Variants in SLC7A6OS observed in about 807,000 individuals in gnomAD.
SLC7A6OS encodes the protein probable RNA polymerase II nuclear localization protein SLC7A6OS.
A neutral mutation model predicts 34.3 loss-of-function variants in SLC7A6OS; 22 were observed. That is an observed-to-expected ratio of 0.64 (90% CI 0.46 to 0.92). The LOEUF (loss-of-function observed/expected upper bound fraction) is 0.92, where lower values mean the gene tolerates loss of function less well. Ranked by LOEUF, SLC7A6OS falls within the 40% of genes least tolerant of loss-of-function variation. The pLI, the probability that SLC7A6OS is intolerant of heterozygous loss-of-function variation, is 0.00. For synonymous variants in SLC7A6OS, 199 were observed against 165.0 expected (o/e 1.21, Z -1.58); for missense variants, 434 against 407.7 (o/e 1.06, Z -0.56).
chr16:68,303,462 C>T (rs964351105), intron 3 of SLC7A6OS, among the ~76,000 whole-genome samples: 1 of 150,250 alleles, frequency 6.7e-6, no homozygotes, highest in African/African-American at 2.4e-5. Flanking sequence ...GCCTGTACTC[C>T]TGGCTGGCTG....
At chr16:68,308,880 C>T (rs972092940) in intron 2 of SLC7A6OS, among the ~76,000 whole-genome samples, 3 of 151,728 alleles carry the variant, frequency 2.0e-5, no homozygotes, top group Non-Finnish European at 2.9e-5. Context: ...AGCGAAACCC[C>T]GTCTCTACTA....
intron 4 of SLC7A6OS, 100 bp from the exon 5 acceptor site, chr16:68,301,505 T>TTTTGTTCCCG (rs2043275359): frequency 1.1e-6 from 1 of 935,120 alleles, no homozygotes; most frequent in Non-Finnish European, 1.6e-6. Context: ...TTCCCGATTG[T>TTTTGTTCCCG]AATGCAAAAT....
At position 68,298,649 on chromosome 16, in the gene SLC7A6OS, C is replaced by T. The variant is rs2043216297; in HGVS notation, c.*2626G>A. On this transcript the variant is annotated 3_prime_UTR_variant, in exon 5 of 5. Transcript: ENST00000263997. The stretch of plus-strand genomic sequence containing the variant: ...TTCTCCCTGTGGAGATCAGTGAAGA[C>T]TGGGAGGAAAGCTGCTTCAACCTGA... 1 of 152,232 alleles carries T rather than the reference C, an allele frequency of 6.6e-6. No individual in the cohort carries two copies. Among genetic ancestry groups the T allele is most frequent in the South Asian group, 2.1e-4 (1 of 4,838 alleles). 9.4% of individuals were successfully genotyped at this position (152,232 alleles called of 1,614,324 possible). A position where few individuals can be genotyped will look rare whatever the true frequency, so the allele number is the denominator to read the frequency against.
intron 2 of SLC7A6OS, among the ~76,000 whole-genome samples, chr16:68,306,071 C>T (rs563222980): frequency 2.6e-5 from 4 of 152,192 alleles, no homozygotes; most frequent in South Asian, 2.1e-4. Flanking sequence ...AGGTACAAGA[C>T]TAGCAATACA....
intron 3 of SLC7A6OS, among the ~76,000 whole-genome samples, chr16:68,303,195 C>T (rs377443798): frequency 6.8e-6 from 1 of 147,482 alleles, no homozygotes; most frequent in Non-Finnish European, 1.5e-5. Context: ...ACCCAGGAGG[C>T]GGAGGTTGCA....
chr16:68,303,329 A>G (rs2085301362), intron 3 of SLC7A6OS, among the ~76,000 whole-genome samples: 1 of 151,404 alleles, frequency 6.6e-6, no homozygotes, highest in South Asian at 2.1e-4. Context: ...TAATCCCAAC[A>G]CTTTGGGAGG....
rs765247208 is a variant in SLC7A6OS, at chr16:68,310,812, C to T, written c.115G>A (p.Ala39Thr). 1.2e-6 allele frequency: 2 copies of T among 1,613,800 alleles called. No individual in the cohort carries two copies. Among genetic ancestry groups the T allele is most frequent in the Middle Eastern group, 1.7e-4 (1 of 6,060 alleles). ...TCCAAACCCTCCGACGTCTTCTGTG[C>T]CGCTGACTCGACCGCGTCGCTCCGG... is the stretch of plus-strand genomic sequence containing the variant. ...RLRSDAVESA[A>T]QKTSEGLERA... Residue 39 changes from alanine to threonine, a missense_variant, in exon 1 of 5, where the codon GCA becomes ACA. Transcript: ENST00000263997.
rs774829710 is a variant in SLC7A6OS at position 68,302,431 on chromosome 16, C to T, written c.749G>A (p.Arg250His). 5.6e-6 allele frequency: 9 copies of T among 1,614,158 alleles called. No homozygotes were observed. The highest frequency in any genetic ancestry group is 1.3e-5 in the African/African-American group (1 of 75,046). ...GCTCTCCTCCTCTGGGTACTCATTGCGCCAGTTATTCTCACTGTTCTCGTC... is the reference window on the plus strand; with the variant it reads ...GCTCTCCTCCTCTGGGTACTCATTGTGCCAGTTATTCTCACTGTTCTCGTC... ...EDDENSENNW[R>H]NEYPEEESSD... Residue 250 changes from arginine (R) to histidine (H), a missense_variant, in exon 4 of 5, where the codon CGC becomes CAC. Transcript: ENST00000263997.
chr16:68,310,315 ACCTTCAGGGG>A lies in SLC7A6OS; in HGVS notation c.471+10_471+19del, dbSNP rs765773607. ...TACCATCCTGAGAAGCCCAGCGACC[ACCTTCAGGGG>A]CATACTCACTTTGCAGGAGCCTGCA... On this transcript the variant is annotated intron_variant, in intron 2 of 4. Coordinates refer to ENST00000263997, the MANE Select transcript of SLC7A6OS (RefSeq NM_032178.3). 3 of 1,560,418 alleles carry A rather than the reference ACCTTCAGGGG, an allele frequency of 1.9e-6. No homozygotes were observed. The African/African-American group carries it at 4.1e-5, about 21-fold the overall frequency.
rs562422989 is a variant in SLC7A6OS, at chr16:68,301,780, TTC to T, written c.800-377_800-376del. 427 of 163,418 alleles carry T rather than the reference TTC, an allele frequency of 2.6e-3. 3 individuals are homozygous for T. The highest frequency in any genetic ancestry group is 9.9e-3 in the African/African-American group (415 of 41,892). 10.1% of individuals were successfully genotyped at this position (163,418 alleles called of 1,614,324 possible). On this transcript the variant is annotated intron_variant, in intron 4 of 4. Transcript: ENST00000263997. ...AAGAATATGCAATTGTTTGATTCAT[TTC>T]TCTGTTATCAGACACCAATAAATTC...
chr16:68,299,717 A>G lies in SLC7A6OS; in HGVS notation c.*1558T>C, dbSNP rs2043236159. 1 of 152,182 alleles carries G rather than the reference A, an allele frequency of 6.6e-6. No individual in the cohort carries two copies. Among genetic ancestry groups the G allele is most frequent in the Non-Finnish European group, 1.5e-5 (1 of 68,032 alleles). 9.4% of individuals were successfully genotyped at this position (152,182 alleles called of 1,614,324 possible). A position where few individuals can be genotyped will look rare whatever the true frequency, so the allele number is the denominator to read the frequency against. ...GGTTGCTGTATGAGAATGGCTTTCA[A>G]TCCTTTGTTTCTATGCCTACAGACA... On this transcript the variant is annotated 3_prime_UTR_variant, in exon 5 of 5. Coordinates refer to ENST00000263997, the MANE Select transcript of SLC7A6OS (RefSeq NM_032178.3).
At position 68,310,736 on chromosome 16, in the gene SLC7A6OS, T is replaced by G. The variant is rs190706099; in HGVS notation, c.191A>C (p.Gln64Pro). ...VFHLVATVCS[Q>P]EEPVQPLLRE... ...CACCAGCTGCACCACGCCCAATACC[T>G]GGGAGCACACAGTGGCCACCAAGTG... is the stretch of plus-strand genomic sequence containing the variant. Residue 64 changes from glutamine to proline, a missense_variant and splice_region_variant, in exon 1 of 5, where the codon CAG (glutamine) becomes CCG (proline). Transcript: ENST00000263997. The G allele has an allele frequency of 1.9e-6, 3 of 1,605,176 alleles. No homozygotes were observed. The highest frequency in any genetic ancestry group is 2.6e-6 in the Non-Finnish European group (3 of 1,173,744).
rs780620587 is a variant in SLC7A6OS at position 68,310,431 on chromosome 16, C to T, written c.375G>A (p.Pro125=). The T allele has an allele frequency of 1.3e-5, 21 of 1,608,056 alleles. No individual in the cohort carries two copies. Among genetic ancestry groups the T allele is most frequent in the Non-Finnish European group, 1.8e-5 (21 of 1,177,590 alleles). Residue 125 remains proline, a synonymous_variant, in exon 2 of 5, where the codon CCG becomes CCA. Coordinates refer to ENST00000263997, the MANE Select transcript of SLC7A6OS (RefSeq NM_032178.3). ...TSSGQESEYT[P]GNPEAAGNSG... is the part of the protein sequence containing the mutation. ...AGTTCCCGGCGGCTTCTGGGTTCCC[C>T]GGCGTGTACTCGGACTCCTGGCCGC...
At chr16:68,307,821 G>A (rs767624388) in intron 2 of SLC7A6OS, among the ~76,000 whole-genome samples, 28 of 152,144 alleles carry the variant, frequency 1.8e-4, no homozygotes, top group South Asian at 8.3e-4. Context: ...GTTTAGAGTC[G>A]GTATTGCTTT....
chr16:68,309,620 A>C (rs1328222624), intron 2 of SLC7A6OS, among the ~76,000 whole-genome samples: 4 of 152,234 alleles, frequency 2.6e-5, no homozygotes, highest in Non-Finnish European at 5.9e-5. Context: ...ATGTAATATA[A>C]AGAAAAGCAC....
At chr16:68,303,860 T>C (rs1567602632) in intron 3 of SLC7A6OS, 166 bp downstream of exon 3, 2 of 620,034 alleles carry the variant, frequency 3.2e-6, no homozygotes, top group South Asian at 2.0e-5. Flanking sequence ...TTCCCTGTAC[T>C]ATAAAGTCAG....
Position 68,310,536 on chromosome 16 carries a change from G to C in SLC7A6OS, c.270C>G (p.Leu90=). The part of the protein sequence containing the change: ...RDSQQRVRRN[L]RASAREVRQE... ...GCCGGACCTCCCGAGCCGAGGCGCG[G>C]AGATTACGGCGGACACGCTGCTGGC... Residue 90 remains leucine (L), a synonymous_variant, in exon 2 of 5, where the codon CTC becomes CTG. Coordinates refer to ENST00000263997, the MANE Select transcript of SLC7A6OS (RefSeq NM_032178.3). The C allele has an allele frequency of 6.3e-7, 1 of 1,583,656 alleles. No homozygotes were observed. The highest frequency in any genetic ancestry group is 1.1e-5 in the South Asian group (1 of 88,220).
chr16:68,310,874 T>G lies in SLC7A6OS; in HGVS notation c.53A>C (p.Glu18Ala). 4 of 1,609,334 alleles carry G rather than the reference T, an allele frequency of 2.5e-6. No individual in the cohort carries two copies. In the South Asian group the frequency reaches 4.4e-5, roughly 18 times the overall value. The stretch of plus-strand genomic sequence containing the variant: ...AGCGAGCACAAGAGCCTCCGCCGGC[T>G]CCGCACTGCGCTTCCGCTTCACCCG... ...VLRVKRKRSA[E>A]PAEALVLACK... is the part of the protein sequence containing the mutation. Residue 18 changes from glutamate to alanine, a missense_variant, in exon 1 of 5, where the codon GAG becomes GCG. Coordinates refer to ENST00000263997, the MANE Select transcript of SLC7A6OS (RefSeq NM_032178.3).
chr16:68,308,298 G>A (rs1300450350), intron 2 of SLC7A6OS, among the ~76,000 whole-genome samples: 1 of 152,178 alleles, frequency 6.6e-6, no homozygotes, highest in African/African-American at 2.4e-5. Flanking sequence ...GGTGAAAGAT[G>A]TGGCTATGGA....
Sources: gnomAD v4.1 joint callset for allele counts (sites outside exome capture counted in the v4.1 genomes callset) on GRCh38, gnomAD v4.1.1 for gene constraint, MANE v1.5 for transcripts, NCBI Gene and HGNC (gene_info 2026-07-23, HGNC 2026-07-21) for gene names.